Variants in DRC4 observed in about 807,000 individuals in gnomAD.
DRC4 encodes dynein regulatory complex subunit 4.
the DRC4 span, chr16:90,037,318 C>A: frequency 1.2e-6 from 2 of 1,613,906 alleles, no homozygotes; most frequent in Admixed American, 3.3e-5. Flanking sequence ...GCCTGGCAGA[C>A]CCTCTCCAGA....
At chr16:90,037,735 G>A in the DRC4 span, 1 of 1,600,568 alleles carries the variant, frequency 6.2e-7, no homozygotes, top group Non-Finnish European at 8.6e-7. Flanking sequence ...AATACTTTCT[G>A]TCCCCTACTC....
chr16:90,037,832 A>G, the DRC4 span: 2 of 1,614,116 alleles, frequency 1.2e-6, no homozygotes, highest in Non-Finnish European at 1.7e-6. Flanking sequence ...GAAGTGTTAG[A>G]GCAGCGATTC....
At chr16:90,022,600 G>A in the DRC4 span, 2 of 1,135,540 alleles carry the variant, frequency 1.8e-6, no homozygotes, top group East Asian at 3.2e-5. Flanking sequence ...GCTGCCCGGC[G>A]GAGTCTCGCG....
the DRC4 span, among the ~76,000 whole-genome samples, chr16:90,030,910 G>A: frequency 4.6e-5 from 7 of 152,292 alleles, no homozygotes; most frequent in South Asian, 4.1e-4. Flanking sequence ...GAGCCACCGC[G>A]CCTCGCTTAT....
the DRC4 span, chr16:90,036,448 T>C: frequency 6.2e-7 from 1 of 1,614,028 alleles, no homozygotes; most frequent in Non-Finnish European, 8.5e-7. Context: ...GGAGAAAGAC[T>C]GAGCTCCACG....
At chr16:90,036,490 C>T in the DRC4 span, 5 of 1,614,198 alleles carry the variant, frequency 3.1e-6, no homozygotes, top group Non-Finnish European at 4.2e-6. Flanking sequence ...GCCAGATCCA[C>T]ACGCTGATGC....
At chr16:90,037,668 AT>A in the DRC4 span, 7 of 1,259,686 alleles carry the variant, frequency 5.6e-6, no homozygotes, top group Non-Finnish European at 8.1e-6. Flanking sequence ...TCTGGCGATT[AT>A]TTTTGGCCTT....
the DRC4 span, among the ~76,000 whole-genome samples, chr16:90,023,665 G>T: frequency 1.1e-4 from 15 of 140,062 alleles, no homozygotes; most frequent in African/African-American, 3.5e-4. Flanking sequence ...CCCAGGAAGG[G>T]TCTTCTGAAA....
the DRC4 span, chr16:90,035,936 A>G: frequency 7.1e-7 from 1 of 1,415,492 alleles, no homozygotes; most frequent in Non-Finnish European, 9.2e-7. Flanking sequence ...TAAAATCAGT[A>G]GTTATCAGCA....
the DRC4 span, among the ~76,000 whole-genome samples, chr16:90,039,022 T>G: frequency 2.6e-5 from 4 of 152,252 alleles, no homozygotes; most frequent in Non-Finnish European, 4.4e-5. Flanking sequence ...CCCATCTGTC[T>G]GTCAGATCTA....
the DRC4 span, chr16:90,036,004 C>T: frequency 2.9e-6 from 3 of 1,034,604 alleles, no homozygotes; most frequent in African/African-American, 4.8e-5. Context: ...TCCATGGCTC[C>T]TGGTCTGAGA....
the DRC4 span, among the ~76,000 whole-genome samples, chr16:90,033,631 A>C: frequency 9.9e-5 from 15 of 152,232 alleles, no homozygotes; most frequent in Admixed American, 3.9e-4. Context: ...GTGCCACTGC[A>C]TTCCAGCCTA....
chr16:90,036,526 C>T, the DRC4 span: 3 of 1,611,254 alleles, frequency 1.9e-6, no homozygotes, highest in East Asian at 2.2e-5. Flanking sequence ...CCTTCACCGA[C>T]ATTAAGAACT....
the DRC4 span, among the ~76,000 whole-genome samples, chr16:90,026,968 A>C: frequency 6.6e-6 from 1 of 151,448 alleles, no homozygotes; most frequent in South Asian, 2.1e-4. Flanking sequence ...GCTGGAGTGC[A>C]ATGGTGGGAT....
chr16:90,021,377 C>T, the DRC4 span, among the ~76,000 whole-genome samples: 1 of 152,134 alleles, frequency 6.6e-6, no homozygotes, highest in East Asian at 1.9e-4. Flanking sequence ...ACTCTTCATC[C>T]CCAGACACAT....
the DRC4 span, chr16:90,043,918 C>T: frequency 2.3e-6 from 1 of 441,606 alleles, no homozygotes; most frequent in African/African-American, 2.0e-5. Context: ...TTCGCTCTAA[C>T]TCCCTCGGTA....
the DRC4 span, chr16:90,031,280 A>T: frequency 6.2e-7 from 1 of 1,610,774 alleles, no homozygotes; most frequent in Non-Finnish European, 8.5e-7. Flanking sequence ...GCCTCACCTG[A>T]CCCACTGCAC....
At chr16:90,025,776 C>T in the DRC4 span, among the ~76,000 whole-genome samples, 2 of 149,796 alleles carry the variant, frequency 1.3e-5, no homozygotes, top group Admixed American at 1.3e-4. Context: ...AGTCCCAGCT[C>T]CTCGTGGAGG....
the DRC4 span, among the ~76,000 whole-genome samples, chr16:90,021,352 G>A: frequency 1.3e-5 from 2 of 152,038 alleles, no homozygotes; most frequent in Non-Finnish European, 2.9e-5. Flanking sequence ...AACTTTCTAC[G>A]AGCATGGATT....
Sources: allele counts gnomAD v4.1 joint callset (sites outside exome capture counted in the v4.1 genomes callset), GRCh38; gene constraint gnomAD v4.1.1; transcripts MANE v1.5; gene names NCBI Gene and HGNC (gene_info 2026-07-23, HGNC 2026-07-21).